NCKAP5: variants seen among roughly 807,000 people sequenced by gnomAD.
NCKAP5 encodes NCK associated protein 5.
In NCKAP5, 92 loss-of-function variants were observed where a neutral mutation model predicts 167.0. That is an observed-to-expected ratio of 0.55 (90% CI 0.47 to 0.66). The LOEUF is 0.66. NCKAP5 is among the 30% of genes least tolerant of loss of function. NCKAP5 has a pLI of 0.00. For synonymous variants in NCKAP5, 891 were observed against 877.4 expected (o/e 1.02, Z -0.27); for missense variants, 2,378 against 2,315.0 (o/e 1.03, Z -0.56).
intron 5 of NCKAP5, among the ~76,000 whole-genome samples, chr2:133,153,698 A>G (rs2083461190): frequency 6.6e-6 from 1 of 151,982 alleles, no homozygotes; most frequent in Non-Finnish European, 1.5e-5. Flanking sequence ...TGCTTCTGGC[A>G]TATCTCCATG....
intron 2 of NCKAP5, among the ~76,000 whole-genome samples, chr2:133,549,387 C>G (rs1350930045): frequency 2.1e-5 from 3 of 140,298 alleles, no homozygotes; most frequent in African/African-American, 8.0e-5. Flanking sequence ...GAAATTATAA[C>G]AAACTATCTC....
intron 3 of NCKAP5, among the ~76,000 whole-genome samples, chr2:133,426,464 GA>G (rs1553638794): frequency 1.4e-5 from 2 of 141,460 alleles, no homozygotes; most frequent in Non-Finnish European, 3.1e-5. Flanking sequence ...AAAAGACATA[GA>G]GGGGCTATTT....
At chr2:133,383,120 G>C (rs1224642095) in intron 3 of NCKAP5, among the ~76,000 whole-genome samples, 1 of 151,920 alleles carries the variant, frequency 6.6e-6, no homozygotes, top group Non-Finnish European at 1.5e-5. Flanking sequence ...CAGTGTGCAG[G>C]TTTGTTACAT....
intron 16 of NCKAP5, among the ~76,000 whole-genome samples, chr2:132,764,197 A>C (rs1681254678): frequency 6.6e-6 from 1 of 152,196 alleles, no homozygotes; most frequent in African/African-American, 2.4e-5. Flanking sequence ...CTGACAGTAA[A>C]ACCAGAGAAC....
intron 3 of NCKAP5, among the ~76,000 whole-genome samples, chr2:133,401,329 CTAA>C (rs1376053184): frequency 6.6e-6 from 1 of 152,138 alleles, no homozygotes; most frequent in Admixed American, 6.5e-5. Context: ...TTATAGTAAA[CTAA>C]TAATAGTAAG....
intron 6 of NCKAP5, among the ~76,000 whole-genome samples, chr2:133,079,584 CTT>C (rs2080734465): frequency 6.6e-6 from 1 of 151,990 alleles, no homozygotes; most frequent in African/African-American, 2.4e-5. Flanking sequence ...AAAAATATCT[CTT>C]AGGGTTATTT....
chr2:133,475,972 G>A (rs1679847897), intron 3 of NCKAP5, among the ~76,000 whole-genome samples: 1 of 152,094 alleles, frequency 6.6e-6, no homozygotes, highest in Non-Finnish European at 1.5e-5. Flanking sequence ...ACAAAAAGCA[G>A]AACAGCAAGA....
intron 3 of NCKAP5, among the ~76,000 whole-genome samples, chr2:133,422,990 G>A (rs1212276737): frequency 6.6e-6 from 1 of 151,974 alleles, no homozygotes; most frequent in African/African-American, 2.4e-5. Context: ...GGAAAGTCCC[G>A]GTATATTTGA....
chr2:132,988,389 G>C (rs1043234956), intron 7 of NCKAP5, among the ~76,000 whole-genome samples: 2 of 150,648 alleles, frequency 1.3e-5, no homozygotes, highest in African/African-American at 4.9e-5. Context: ...TTGAACCCAG[G>C]AGGCGGAGGT....
chr2:133,115,310 CAAT>C (rs1189500514), intron 6 of NCKAP5, among the ~76,000 whole-genome samples: 3 of 152,080 alleles, frequency 2.0e-5, no homozygotes, highest in African/African-American at 7.2e-5. Flanking sequence ...ATGACAAAAA[CAAT>C]ACTACCTCTA....
the NCKAP5 span, among the ~76,000 whole-genome samples, chr2:133,614,272 C>T: frequency 0.98 from 148,562 of 152,234 alleles, 72,522 homozygotes; most frequent in East Asian, 1. Context: ...TGGTGGGGCA[C>T]TGTGGGAGTG....
chr2:133,472,967 G>A (rs1021958637), intron 3 of NCKAP5, among the ~76,000 whole-genome samples: 7 of 152,132 alleles, frequency 4.6e-5, no homozygotes, highest in African/African-American at 1.7e-4. Context: ...GATGATAATT[G>A]TTACCTGGTT....
At chr2:133,507,071 G>A (rs529838653) in intron 3 of NCKAP5, among the ~76,000 whole-genome samples, 20 of 152,260 alleles carry the variant, frequency 1.3e-4, no homozygotes, top group African/African-American at 4.3e-4. Flanking sequence ...AGTCTAGCCC[G>A]GAGTCTACTC....
At chr2:132,767,482 G>A (rs1681607809) in intron 16 of NCKAP5, among the ~76,000 whole-genome samples, 1 of 152,254 alleles carries the variant, frequency 6.6e-6, no homozygotes, top group East Asian at 1.9e-4. Flanking sequence ...CTGACCTTAG[G>A]TTATCCACCC....
At chr2:133,208,306 C>T (rs889878035) in intron 5 of NCKAP5, among the ~76,000 whole-genome samples, 1 of 152,182 alleles carries the variant, frequency 6.6e-6, no homozygotes, top group Non-Finnish European at 1.5e-5. Flanking sequence ...CCGCTGCATT[C>T]TGGCCTGGGC....
chr2:133,050,649 T>G (rs1276000629), intron 6 of NCKAP5, among the ~76,000 whole-genome samples: 1 of 152,244 alleles, frequency 6.6e-6, no homozygotes, highest in Non-Finnish European at 1.5e-5. Flanking sequence ...AATGCTGCTA[T>G]TTATTTTCTG....
intron 16 of NCKAP5, among the ~76,000 whole-genome samples, chr2:132,766,498 T>C (rs1681506532): frequency 6.6e-6 from 1 of 152,108 alleles, no homozygotes; most frequent in African/African-American, 2.4e-5. Context: ...CTGGTAGTAA[T>C]GGTTAGAAAA....
chr2:133,344,058 C>A (rs1443775951), intron 3 of NCKAP5, among the ~76,000 whole-genome samples: 2 of 152,106 alleles, frequency 1.3e-5, no homozygotes, highest in African/African-American at 2.4e-5. Context: ...AGGCAGGTGT[C>A]AGTCATTCTT....
At chr2:132,984,769 T>TA (rs944616493) in intron 7 of NCKAP5, among the ~76,000 whole-genome samples, 1 of 151,752 alleles carries the variant, frequency 6.6e-6, no homozygotes, top group African/African-American at 2.4e-5. Context: ...AGCCAAGTTC[T>TA]AAAAAAACAA....
Sources: allele counts gnomAD v4.1 joint callset (sites outside exome capture counted in the v4.1 genomes callset), GRCh38; gene constraint gnomAD v4.1.1; transcripts MANE v1.5; gene names NCBI Gene and HGNC (gene_info 2026-07-23, HGNC 2026-07-21).